Variants in PGAP1 observed in about 807,000 individuals in gnomAD.
PGAP1 encodes GPI inositol-deacylase.
In PGAP1, 76 loss-of-function variants were observed where a neutral mutation model predicts 127.0. The ratio of observed to expected loss-of-function variants is 0.60; its 90% CI spans 0.50 to 0.72. The LOEUF is 0.72. Ranked by LOEUF, PGAP1 falls within the 30% of genes least tolerant of loss-of-function variation. The pLI, the probability that PGAP1 is intolerant of heterozygous loss-of-function variation, is 0.00. For synonymous variants in PGAP1, 362 were observed against 366.5 expected (o/e 0.99, Z 0.14); for missense variants, 982 against 1,071.3 (o/e 0.92, Z 1.16).
rs368970696 is a variant in PGAP1, at chr2:196,872,433, C to G, written c.1728+8G>C. 2 of 1,565,388 alleles carry G rather than the reference C, an allele frequency of 1.3e-6. No homozygotes were observed. The stretch of plus-strand genomic sequence containing the variant: ...AAATCTTAAAAATTAATCAAACATA[C>G]AACTTACCTCGTACCGACAGTCTGA... On this transcript the variant is annotated splice_region_variant and intron_variant, in intron 18 of 26. Transcript: ENST00000354764.
At chr2:196,872,242 T>C (rs554091877) in intron 18 of PGAP1, among the ~76,000 whole-genome samples, 199 bp downstream of exon 18, 51 of 152,308 alleles carry the variant, frequency 3.3e-4, no homozygotes, top group Non-Finnish European at 5.7e-4. Context: ...TTAAGATGTA[T>C]ACATTTGCAA....
At chr2:196,912,349 A>C (rs1702852044) in intron 4 of PGAP1, among the ~76,000 whole-genome samples, 1 of 152,030 alleles carries the variant, frequency 6.6e-6, no homozygotes, top group Non-Finnish European at 1.5e-5. Flanking sequence ...AAAATAACTA[A>C]ACTGGCCAGG....
At chr2:196,885,501 T>C (rs1028970493) in intron 11 of PGAP1, 26 bp from the exon 12 acceptor site, 2 of 1,498,966 alleles carry the variant, frequency 1.3e-6, no homozygotes, top group African/African-American at 2.8e-5. Context: ...GAAAATATAA[T>C]TAAAGGACAA....
intron 5 of PGAP1, among the ~76,000 whole-genome samples, chr2:196,901,360 G>C (rs1297417330): frequency 6.6e-6 from 1 of 152,174 alleles, no homozygotes; most frequent in Non-Finnish European, 1.5e-5. Context: ...TGTATGGCAA[G>C]CATTCAGTAA....
chr2:196,854,355 A>C (rs190735833), intron 20 of PGAP1, among the ~76,000 whole-genome samples: 1 of 152,304 alleles, frequency 6.6e-6, no homozygotes, highest in Non-Finnish European at 1.5e-5. Context: ...TCAAATGATA[A>C]GTGATACTAG....
intron 20 of PGAP1, among the ~76,000 whole-genome samples, chr2:196,862,238 G>A (rs966263622): frequency 7.2e-5 from 11 of 152,094 alleles, no homozygotes; most frequent in Middle Eastern, 3.4e-3. Flanking sequence ...GGGTGTGGCC[G>A]TCTTTTATGG....
chr2:196,842,678 G>C, intron 26 of PGAP1, 43 bp downstream of exon 26: 2 of 1,026,612 alleles, frequency 1.9e-6, no homozygotes, highest in East Asian at 5.1e-5. Context: ...GGGGAAAAAG[G>C]CCAAGAACAG....
intron 12 of PGAP1, among the ~76,000 whole-genome samples, chr2:196,882,898 G>C (rs1027261386): frequency 6.6e-6 from 1 of 152,136 alleles, no homozygotes; most frequent in African/African-American, 2.4e-5. Flanking sequence ...TGCTGAATAG[G>C]AGCGGTGAGA....
At chr2:196,873,473 T>C in intron 16 of PGAP1, 55 bp downstream of exon 16, 1 of 1,326,440 alleles carries the variant, frequency 7.5e-7, no homozygotes, top group Non-Finnish European at 1.1e-6. Flanking sequence ...TAACACCTAT[T>C]GAGTCTTCAA....
At chr2:196,884,144 T>A (rs907711610) in intron 12 of PGAP1, among the ~76,000 whole-genome samples, 2 of 152,234 alleles carry the variant, frequency 1.3e-5, no homozygotes, top group African/African-American at 4.8e-5. Flanking sequence ...ATTGGGTTTT[T>A]AATAATTTAT....
chr2:196,884,466 G>A lies in PGAP1; in HGVS notation c.1272+958C>T, dbSNP rs917994280. ...ATGTACAAATAAGATTGACCAAGGT[G>A]ACAAAAAAATTGCAACCATTCCAAA... On this transcript the variant is annotated intron_variant, in intron 12 of 26. Transcript: ENST00000354764. Among the ~76,000 whole-genome samples the A allele has an allele frequency of 4.6e-5, 7 of 152,264 alleles. No homozygotes were observed. The East Asian group carries it at 1.3e-3, about 29-fold the overall frequency.
rs773418537 is a variant in PGAP1 at position 196,844,052 on chromosome 2, ACTT to A, written c.2358_2360del (p.Arg786del). ...CTTTATGATGATTGGATTTCTTTTC[ACTT>A]CTTCTAGAGTGTTTGGGATTCTATA... is the stretch of plus-strand genomic sequence containing the variant. On this transcript the variant is annotated inframe_deletion, in exon 25 of 27. Coordinates refer to ENST00000354764, the MANE Select transcript of PGAP1 (RefSeq NM_024989.4). 1.3e-5 allele frequency: 20 copies of A among 1,593,330 alleles called. No homozygotes were observed. In the South Asian group the frequency reaches 1.6e-4, roughly 13 times the overall value.
At chr2:196,895,582 T>C (rs1416257148) in intron 7 of PGAP1, among the ~76,000 whole-genome samples, 1 of 152,210 alleles carries the variant, frequency 6.6e-6, no homozygotes, top group African/African-American at 2.4e-5. Flanking sequence ...AATCAATAAA[T>C]ATACTAACTT....
intron 16 of PGAP1, 67 bp downstream of exon 16, chr2:196,873,461 G>A: frequency 8.7e-7 from 1 of 1,144,886 alleles, no homozygotes; most frequent in South Asian, 1.4e-5. Flanking sequence ...GAAAATTTGA[G>A]TTAACACCTA....
intron 20 of PGAP1, among the ~76,000 whole-genome samples, chr2:196,853,910 A>ATTTT (rs59361073): frequency 3.8e-5 from 5 of 130,424 alleles, no homozygotes; most frequent in African/African-American, 5.9e-5. Flanking sequence ...CCAAAGATGA[A>ATTTT]TTTTTTTTTT....
At chr2:196,922,718 T>TTGC (rs1703243657) in intron 1 of PGAP1, 1 of 227,088 alleles carries the variant, frequency 4.4e-6, no homozygotes, top group African/African-American at 2.4e-5. Context: ...CCCACTCTTG[T>TTGC]TGCTCAGGCT....
At chr2:196,848,518 T>C (rs372903738) in intron 20 of PGAP1, among the ~76,000 whole-genome samples, 21 of 152,272 alleles carry the variant, frequency 1.4e-4, no homozygotes, top group African/African-American at 4.1e-4. Flanking sequence ...TCTCTAAAGA[T>C]AGGCCTATTC....
chr2:196,871,009 G>T lies in PGAP1; in HGVS notation c.1729-30C>A, dbSNP rs183000517. On this transcript the variant is annotated intron_variant, in intron 18 of 26. Transcript: ENST00000354764. ...TTTAAAACAATTATTGAAAAAAAAG[G>T]TTATTTTCCTCTAAACTCCTTTACA... is the stretch of plus-strand genomic sequence containing the variant. 10 of 1,507,804 alleles carry T rather than the reference G, an allele frequency of 6.6e-6. No homozygotes were observed. The Admixed American group carries it at 1.7e-4, about 25-fold the overall frequency. 93.4% of individuals were successfully genotyped at this position (1,507,804 alleles called of 1,614,324 possible).
At chr2:196,922,601 C>G (rs1229860594) in intron 1 of PGAP1, 2 of 789,604 alleles carry the variant, frequency 2.5e-6, no homozygotes, top group African/African-American at 3.8e-5. Context: ...CACACACACA[C>G]ACACACACAC....
Sources: allele counts gnomAD v4.1 joint callset (sites outside exome capture counted in the v4.1 genomes callset), GRCh38; gene constraint gnomAD v4.1.1; transcripts MANE v1.5; gene names NCBI Gene and HGNC (gene_info 2026-07-23, HGNC 2026-07-21).